PRKN: variants seen among roughly 807,000 people sequenced by gnomAD.
PRKN encodes the protein E3 ubiquitin-protein ligase parkin.
In PRKN, 56 loss-of-function variants were observed where a neutral mutation model predicts 59.5. The observed-to-expected ratio is 0.94, with a 90% CI of 0.76 to 1.18. The LOEUF (loss-of-function observed/expected upper bound fraction) is 1.18, where lower values mean the gene tolerates loss of function less well. Ranked by LOEUF, PRKN falls within the 50% of genes most tolerant of loss-of-function variation. PRKN has a pLI of 0.00. For synonymous variants in PRKN, 250 were observed against 222.1 expected (o/e 1.13, Z -1.12); for missense variants, 657 against 596.4 (o/e 1.10, Z -1.06).
chr6:161,624,850 TA>T (rs1442430603), intron 7 of PRKN, among the ~76,000 whole-genome samples: 1 of 152,226 alleles, frequency 6.6e-6, no homozygotes, highest in African/African-American at 2.4e-5. Flanking sequence ...ACTTTTAATC[TA>T]AAAAGTGCTT....
chr6:162,707,970 C>A (rs987324353), intron 1 of PRKN, among the ~76,000 whole-genome samples: 2 of 152,118 alleles, frequency 1.3e-5, no homozygotes, highest in African/African-American at 4.8e-5. Context: ...CCACCTTGGC[C>A]TCCCAAAGTG....
chr6:161,591,291 T>C (rs1781716194), intron 7 of PRKN, among the ~76,000 whole-genome samples: 1 of 152,136 alleles, frequency 6.6e-6, no homozygotes. Flanking sequence ...AATTAGAAAG[T>C]TCAAAGAAAA....
At chr6:161,915,137 T>A (rs1778507350) in intron 6 of PRKN, among the ~76,000 whole-genome samples, 1 of 151,952 alleles carries the variant, frequency 6.6e-6, no homozygotes, top group African/African-American at 2.4e-5. Flanking sequence ...ATACAAAAAA[T>A]TAGCTGGGCG....
At chr6:162,155,988 A>G (rs1166943805) in intron 4 of PRKN, among the ~76,000 whole-genome samples, 2 of 152,220 alleles carry the variant, frequency 1.3e-5, no homozygotes, top group African/African-American at 4.8e-5. Flanking sequence ...GATTTCTTCC[A>G]AACAGACAAA....
rs557245250 is a variant in PRKN, at chr6:161,610,404, G to A, written c.872-40988C>T. Among the ~76,000 whole-genome samples, 6 of 151,536 alleles carry A rather than the reference G, an allele frequency of 4.0e-5. No homozygotes were observed. The East Asian group carries it at 5.8e-4, about 15-fold the overall frequency. The stretch of plus-strand genomic sequence containing the variant: ...AAAACAGAAACAGGGCAGGTATTTC[G>A]TTGGTTGATTGACCCACTTATTTAT... On this transcript the variant is annotated intron_variant, in intron 7 of 11. Coordinates refer to ENST00000366898, the MANE Select transcript of PRKN (RefSeq NM_004562.3).
intron 1 of PRKN, among the ~76,000 whole-genome samples, chr6:162,564,630 T>C (rs1368366366): frequency 2.0e-5 from 3 of 152,038 alleles, no homozygotes; most frequent in Non-Finnish European, 2.9e-5. Context: ...TAACATACAA[T>C]GGAGCTCCAA....
intron 5 of PRKN, among the ~76,000 whole-genome samples, chr6:162,041,623 T>A (rs1784071493): frequency 6.6e-6 from 1 of 152,160 alleles, no homozygotes; most frequent in African/African-American, 2.4e-5. Context: ...GTGACAGAAT[T>A]TGCAGGAGGT....
intron 1 of PRKN, among the ~76,000 whole-genome samples, chr6:162,596,099 T>G (rs544622056): frequency 6.6e-6 from 1 of 152,156 alleles, no homozygotes; most frequent in Admixed American, 6.5e-5. Flanking sequence ...GTCAAGACTG[T>G]AGACATCTCA....
intron 4 of PRKN, among the ~76,000 whole-genome samples, chr6:162,133,304 A>G (rs140919455): frequency 6.6e-6 from 1 of 152,306 alleles, no homozygotes; most frequent in East Asian, 1.9e-4. Context: ...AGCTGGAGGT[A>G]GCGTCAGCAA....
At chr6:161,568,621 A>T (rs1780743367) in intron 8 of PRKN, among the ~76,000 whole-genome samples, 1 of 152,036 alleles carries the variant, frequency 6.6e-6, no homozygotes, top group African/African-American at 2.4e-5. Flanking sequence ...AATAAATAAC[A>T]CTGGAAGTTA....
intron 10 of PRKN, among the ~76,000 whole-genome samples, chr6:161,368,317 AT>A (rs1346530736): frequency 6.9e-6 from 1 of 144,690 alleles, no homozygotes; most frequent in African/African-American, 2.5e-5. Context: ...TTGTATATAT[AT>A]TTATATATAT....
Position 161,502,667 on chromosome 6 carries a change from A to G in PRKN, c.1083+46187T>C, listed in dbSNP as rs555657417. Among the ~76,000 whole-genome samples, 2 of 152,182 alleles carry G rather than the reference A, an allele frequency of 1.3e-5. No individual in the cohort carries two copies. Among genetic ancestry groups the G allele is most frequent in the Non-Finnish European group, 2.9e-5 (2 of 68,042 alleles). On this transcript the variant is annotated intron_variant, in intron 9 of 11. Coordinates refer to ENST00000366898, the MANE Select transcript of PRKN (RefSeq NM_004562.3). The surrounding 1 kb of genome is among the most constrained non-coding windows in gnomAD (Gnocchi z 4.0). ...GGGATTTGGGAGTAGCAACCTCTGG[A>G]GTACCAGTGCATTTATGGAAAGATA... is the stretch of plus-strand genomic sequence containing the variant.
chr6:162,602,192 C>T (rs1272702972), intron 1 of PRKN, among the ~76,000 whole-genome samples: 1 of 152,196 alleles, frequency 6.6e-6, no homozygotes, highest in Admixed American at 6.5e-5. Context: ...GAGAAACAAC[C>T]TCTGGGAGCA....
chr6:162,534,417 C>CT (rs1392591896), intron 1 of PRKN, among the ~76,000 whole-genome samples: 1 of 152,136 alleles, frequency 6.6e-6, no homozygotes, highest in Non-Finnish European at 1.5e-5. Context: ...CGAAAGCATG[C>CT]TGTGCCTCTT....
intron 1 of PRKN, among the ~76,000 whole-genome samples, chr6:162,453,845 G>A (rs1475205454): frequency 6.6e-6 from 1 of 152,148 alleles, no homozygotes; most frequent in Non-Finnish European, 1.5e-5. Flanking sequence ...GGAGGTTGCA[G>A]TGAACTGAGA....
chr6:161,905,937 A>G (rs982583470), intron 6 of PRKN, among the ~76,000 whole-genome samples: 6 of 149,486 alleles, frequency 4.0e-5, no homozygotes, highest in East Asian at 1.9e-4. Context: ...CTAAAAAAAA[A>G]AAAAAAAAAA....
chr6:161,537,702 T>C (rs12526454), intron 9 of PRKN, among the ~76,000 whole-genome samples: 31,565 of 152,074 alleles, frequency 0.21, 3,685 homozygotes, highest in Middle Eastern at 0.36. Context: ...CCGCCCGCCT[T>C]AGCCTCCCAA....
intron 4 of PRKN, among the ~76,000 whole-genome samples, chr6:162,063,000 T>A (rs537508075): frequency 6.6e-6 from 1 of 152,278 alleles, no homozygotes; most frequent in South Asian, 2.1e-4. Context: ...AAAAACTGAA[T>A]ATAAATATCT....
In PRKN at chr6:161,609,376, T is replaced by C. The variant is rs896494875; in HGVS notation, c.872-39960A>G. On this transcript the variant is annotated intron_variant, in intron 7 of 11. Transcript: ENST00000366898. ...GTCTTTCAGAGTTCATTAACAGTGT[T>C]TTTTTATTTTTTCTTGATGATGAAG... Among the ~76,000 whole-genome samples the C allele has an allele frequency of 2.0e-5, 3 of 152,312 alleles. No individual in the cohort carries two copies. In the South Asian group the frequency reaches 6.2e-4, roughly 32 times the overall value.
Sources: gnomAD v4.1 joint callset for allele counts (sites outside exome capture counted in the v4.1 genomes callset) on GRCh38, gnomAD v4.1.1 for gene constraint, Gnocchi (gnomAD v3.1) non-coding constraint, MANE v1.5 for transcripts, NCBI Gene and HGNC (gene_info 2026-07-23, HGNC 2026-07-21) for gene names.